NPAS3: variants seen among roughly 807,000 people sequenced by gnomAD.
The protein encoded by NPAS3 is neuronal PAS domain-containing protein 3.
NPAS3 carries 14 observed loss-of-function variants against 73.1 expected under a neutral mutation model. That is an observed-to-expected ratio of 0.19 (90% CI 0.13 to 0.30). The LOEUF (loss-of-function observed/expected upper bound fraction) is 0.30. NPAS3 is among the 10% of genes least tolerant of loss of function. The pLI is 1.00. For synonymous variants in NPAS3, 620 were observed against 541.5 expected (o/e 1.14, Z -2.01); for missense variants, 1,096 against 1,250.0 (o/e 0.88, Z 1.86).
chr14:33,636,199 C>A (rs563559122), intron 5 of NPAS3, among the ~76,000 whole-genome samples: 3 of 152,326 alleles, frequency 2.0e-5, no homozygotes, highest in East Asian at 3.9e-4. Flanking sequence ...GGATTACAGG[C>A]GTGAGCCACC....
rs186457386 is a variant in NPAS3, at chr14:33,162,919, C to A, written c.141-52263C>A. 1.8e-4 allele frequency among the ~76,000 whole-genome samples: 27 copies of A among 152,294 alleles called. No individual in the cohort carries two copies. In the East Asian group the frequency reaches 4.8e-3, roughly 27 times the overall value. On this transcript the variant is annotated intron_variant, in intron 2 of 11. Coordinates refer to ENST00000356141, the Ensembl canonical transcript of NPAS3. ...GTAGACTTTGGACAATCTTCTGTCA[C>A]TCAGAACTGGCTGCTATGTACTCAA...
chr14:33,631,182 G>C (rs972860014), intron 5 of NPAS3, among the ~76,000 whole-genome samples: 1 of 152,172 alleles, frequency 6.6e-6, no homozygotes, highest in Non-Finnish European at 1.5e-5. Context: ...AGCTTCTTTA[G>C]AGCTGAATCA....
chr14:32,965,429 A>AT (rs1491156001), intron 1 of NPAS3, among the ~76,000 whole-genome samples: 4 of 151,006 alleles, frequency 2.6e-5, no homozygotes, highest in African/African-American at 9.9e-5. Flanking sequence ...AATTTGACAC[A>AT]TAACATTAAC....
intron 4 of NPAS3, among the ~76,000 whole-genome samples, chr14:33,379,436 G>C (rs2046445204): frequency 6.6e-6 from 1 of 152,116 alleles, no homozygotes; most frequent in South Asian, 2.1e-4. Flanking sequence ...TACCTCTCTG[G>C]TAATGTGTGT....
intron 4 of NPAS3, among the ~76,000 whole-genome samples, chr14:33,387,825 A>G (rs2046836292): frequency 2.0e-5 from 3 of 152,162 alleles, no homozygotes; most frequent in Non-Finnish European, 4.4e-5. Flanking sequence ...CCTGGACCCT[A>G]CAATTAGATG....
At chr14:33,306,395 G>T (rs1419859867) in intron 3 of NPAS3, among the ~76,000 whole-genome samples, 1 of 152,152 alleles carries the variant, frequency 6.6e-6, no homozygotes, top group East Asian at 1.9e-4. Context: ...CTCAACATTT[G>T]CAGTAAGATG....
chr14:33,442,529 G>T (rs2049300237), intron 4 of NPAS3, among the ~76,000 whole-genome samples: 1 of 152,218 alleles, frequency 6.6e-6, no homozygotes, highest in African/African-American at 2.4e-5. Flanking sequence ...GGAGGTAATT[G>T]AATCATGAGG....
chr14:33,441,789 A>G (rs2049261055), intron 4 of NPAS3, among the ~76,000 whole-genome samples: 1 of 152,136 alleles, frequency 6.6e-6, no homozygotes, highest in Non-Finnish European at 1.5e-5. Context: ...GGCAAAGGAG[A>G]AGCAAAGGCA....
chr14:33,434,934 G>A lies in NPAS3; in HGVS notation c.468+67666G>A, dbSNP rs141849104. ...GGGCCAAAGAGTTCAGTAATTTTGA[G>A]GGGGGTGTGGTTGGGAGATGGGAAC... is the stretch of plus-strand genomic sequence containing the variant. On this transcript the variant is annotated intron_variant, in intron 4 of 11. Coordinates refer to ENST00000356141, the Ensembl canonical transcript of NPAS3. Among the ~76,000 whole-genome samples, 14 of 152,266 alleles carry A rather than the reference G, an allele frequency of 9.2e-5. No individual in the cohort carries two copies. In the East Asian group the frequency reaches 2.3e-3, roughly 25 times the overall value.
chr14:33,273,864 A>C (rs948700346), intron 3 of NPAS3, among the ~76,000 whole-genome samples: 2 of 152,258 alleles, frequency 1.3e-5, no homozygotes. Flanking sequence ...CCAACAAAAA[A>C]ACTTTCAATG....
At chr14:33,406,926 A>G (rs1758522708) in intron 4 of NPAS3, among the ~76,000 whole-genome samples, 1 of 152,084 alleles carries the variant, frequency 6.6e-6, no homozygotes, top group Non-Finnish European at 1.5e-5. Flanking sequence ...ACCGGATCCC[A>G]CTGGAATTGC....
chr14:33,682,542 C>T (rs1480884360), intron 6 of NPAS3, among the ~76,000 whole-genome samples: 1 of 152,294 alleles, frequency 6.6e-6, no homozygotes, highest in South Asian at 2.1e-4. Context: ...CTTGCCAAAC[C>T]TAGAATGATT....
chr14:32,963,786 T>C (rs1181691221), intron 1 of NPAS3, among the ~76,000 whole-genome samples: 1 of 152,200 alleles, frequency 6.6e-6, no homozygotes, highest in Non-Finnish European at 1.5e-5. Context: ...GAAAATGCTT[T>C]ATAGATTCTA....
intron 3 of NPAS3, among the ~76,000 whole-genome samples, chr14:33,238,659 A>T (rs2048119070): frequency 6.6e-6 from 1 of 152,032 alleles, no homozygotes; most frequent in South Asian, 2.1e-4. Context: ...TTGAAATGAA[A>T]ACCAAGTTTA....
chr14:33,018,082 A>T (rs1312928790), intron 1 of NPAS3, among the ~76,000 whole-genome samples: 1 of 152,216 alleles, frequency 6.6e-6, no homozygotes, highest in Non-Finnish European at 1.5e-5. Context: ...ATTTGGCCAC[A>T]TCTAGAATAT....
At chr14:33,017,665 C>CCTGT (rs1320345905) in intron 1 of NPAS3, among the ~76,000 whole-genome samples, 4 of 152,072 alleles carry the variant, frequency 2.6e-5, no homozygotes, top group African/African-American at 9.7e-5. Context: ...AAAGCCTGGC[C>CCTGT]CTGTCATTAG....
chr14:33,732,636 G>C (rs113870719), intron 6 of NPAS3, among the ~76,000 whole-genome samples: 10 of 152,222 alleles, frequency 6.6e-5, no homozygotes, highest in South Asian at 2.1e-4. Context: ...CCTTCTCTTG[G>C]ACTCTCCATA....
At chr14:33,231,169 A>AT (rs2047837454) in intron 3 of NPAS3, among the ~76,000 whole-genome samples, 1 of 152,226 alleles carries the variant, frequency 6.6e-6, no homozygotes, top group African/African-American at 2.4e-5. Flanking sequence ...GTCCTGGACA[A>AT]TTGTTTATAA....
chr14:33,132,967 T>A (rs974600116), intron 2 of NPAS3, among the ~76,000 whole-genome samples: 4 of 152,202 alleles, frequency 2.6e-5, no homozygotes, highest in African/African-American at 9.6e-5. Flanking sequence ...ACTGCACAAC[T>A]AATATCATAG....
Sources: allele counts gnomAD v4.1 joint callset (sites outside exome capture counted in the v4.1 genomes callset), GRCh38; gene constraint gnomAD v4.1.1; transcripts MANE v1.5; gene names NCBI Gene and HGNC (gene_info 2026-07-23, HGNC 2026-07-21).